LGSN: variants seen among roughly 807,000 people sequenced by gnomAD.
LGSN encodes the protein lengsin, lens protein with glutamine synthetase domain.
LGSN carries 21 observed loss-of-function variants against 19.5 expected under a neutral mutation model. That is an observed-to-expected ratio of 1.07 (90% CI 0.76 to 1.55). The LOEUF (loss-of-function observed/expected upper bound fraction) is 1.55, where lower values mean the gene tolerates loss of function less well. LGSN is among the 40% of genes most tolerant of loss of function. LGSN has a pLI of 0.00. For missense variants in LGSN, 673 were observed against 608.5 expected (o/e 1.11, Z -1.12); for synonymous variants, 257 against 215.6 (o/e 1.19, Z -1.68).
the LGSN span, chr6:63,572,520 T>G: frequency 2.6e-6 from 1 of 391,756 alleles, no homozygotes; most frequent in Non-Finnish European, 4.5e-6. Flanking sequence ...GCGGGCCGGC[T>G]CGGCTACGCG....
At chr6:63,473,213 C>T in the LGSN span, among the ~76,000 whole-genome samples, 1 of 151,916 alleles carries the variant, frequency 6.6e-6, no homozygotes, top group African/African-American at 2.4e-5. Flanking sequence ...TGGCTCACAC[C>T]TGTAATCCCA....
the LGSN span, among the ~76,000 whole-genome samples, chr6:63,359,359 G>A: frequency 2.8e-4 from 43 of 152,320 alleles, no homozygotes; most frequent in Non-Finnish European, 4.7e-4. Context: ...AAATGAGTTA[G>A]AGAGGATTCT....
the LGSN span, among the ~76,000 whole-genome samples, chr6:63,359,784 GT>G: frequency 2.0e-5 from 3 of 151,996 alleles, no homozygotes; most frequent in African/African-American, 7.2e-5. Context: ...CAAAAACCCA[GT>G]TCCTGGATTC....
the LGSN span, among the ~76,000 whole-genome samples, chr6:63,499,725 G>C: frequency 6.6e-6 from 1 of 152,058 alleles, no homozygotes; most frequent in Non-Finnish European, 1.5e-5. Context: ...GCCTTCTGCT[G>C]TAGGATACCT....
the LGSN span, among the ~76,000 whole-genome samples, chr6:63,523,440 C>T: frequency 6.6e-6 from 1 of 151,900 alleles, no homozygotes; most frequent in Non-Finnish European, 1.5e-5. Flanking sequence ...AGGTTTGAAC[C>T]CGGGAGGTTG....
At chr6:63,481,978 C>A in the LGSN span, 1 of 155,846 alleles carries the variant, frequency 6.4e-6, no homozygotes, top group South Asian at 2.0e-4. Flanking sequence ...TGAAAGTTTT[C>A]GTTATCTTCT....
At chr6:63,514,574 T>C in the LGSN span, among the ~76,000 whole-genome samples, 3 of 152,376 alleles carry the variant, frequency 2.0e-5, no homozygotes, top group South Asian at 6.2e-4. Context: ...GTGACTTTTC[T>C]GTAAGTTGTC....
chr6:63,553,653 A>C, the LGSN span, among the ~76,000 whole-genome samples: 1 of 152,168 alleles, frequency 6.6e-6, no homozygotes, highest in Non-Finnish European at 1.5e-5. Context: ...CCTGGTAAAG[A>C]ATTGATTGCA....
chr6:63,406,537 A>G, the LGSN span, among the ~76,000 whole-genome samples: 5,691 of 134,500 alleles, frequency 0.042, 385 homozygotes, highest in African/African-American at 0.13. Context: ...AGTGTGTAGA[A>G]GGAAATTTAT....
chr6:63,412,077 T>C, the LGSN span, among the ~76,000 whole-genome samples: 1 of 152,134 alleles, frequency 6.6e-6, no homozygotes, highest in Admixed American at 6.6e-5. Flanking sequence ...AGACTTGAAA[T>C]GAGGGCAGGT....
the LGSN span, among the ~76,000 whole-genome samples, chr6:63,449,982 TGAGA>T: frequency 2.0e-5 from 3 of 152,032 alleles, no homozygotes; most frequent in African/African-American, 7.2e-5. Flanking sequence ...AATGTGTGTG[TGAGA>T]GAGAGAGTCT....
the LGSN span, among the ~76,000 whole-genome samples, chr6:63,563,097 C>T: frequency 6.6e-6 from 1 of 152,218 alleles, no homozygotes; most frequent in Non-Finnish European, 1.5e-5. Context: ...CCAACATTGT[C>T]TTCCATTTGA....
At chr6:63,384,380 C>G in the LGSN span, among the ~76,000 whole-genome samples, 1 of 152,164 alleles carries the variant, frequency 6.6e-6, no homozygotes, top group East Asian at 1.9e-4. Context: ...ATGGGAGAAA[C>G]TTATGGAAAG....
At chr6:63,557,270 A>G in the LGSN span, among the ~76,000 whole-genome samples, 7 of 152,192 alleles carry the variant, frequency 4.6e-5, no homozygotes, top group African/African-American at 1.7e-4. Context: ...ATTTAATTTA[A>G]AAATTAATAT....
chr6:63,294,709 A>G (rs745574423), intron 2 of LGSN, among the ~76,000 whole-genome samples: 3 of 151,220 alleles, frequency 2.0e-5, no homozygotes, highest in Non-Finnish European at 4.4e-5. Flanking sequence ...CCCTCTTTAC[A>G]TTGTAAATAT....
the LGSN span, chr6:63,571,066 T>C: frequency 6.6e-6 from 1 of 152,232 alleles, no homozygotes; most frequent in African/African-American, 2.4e-5. Context: ...TAGTTTTCCT[T>C]GATTTTAATG....
chr6:63,325,424 C>T, the LGSN span, among the ~76,000 whole-genome samples: 1 of 152,026 alleles, frequency 6.6e-6, no homozygotes, highest in Non-Finnish European at 1.5e-5. Flanking sequence ...ACTGATATCA[C>T]AGAAATACAA....
the LGSN span, among the ~76,000 whole-genome samples, chr6:63,416,426 C>G: frequency 6.6e-6 from 1 of 152,156 alleles, no homozygotes; most frequent in Non-Finnish European, 1.5e-5. Flanking sequence ...CTTTGCACTC[C>G]TTACTCCCTA....
chr6:63,476,311 G>A, the LGSN span, among the ~76,000 whole-genome samples: 1 of 152,150 alleles, frequency 6.6e-6, no homozygotes, highest in African/African-American at 2.4e-5. Context: ...AGAAGTTAGA[G>A]CAGTTGAAAA....
Sources: gnomAD v4.1 joint callset for allele counts (sites outside exome capture counted in the v4.1 genomes callset) on GRCh38, gnomAD v4.1.1 for gene constraint, MANE v1.5 for transcripts, NCBI Gene and HGNC (gene_info 2026-07-23, HGNC 2026-07-21) for gene names.